Variants in MB21D2 observed in about 807,000 individuals in gnomAD.
MB21D2 encodes nucleotidyltransferase MB21D2.
MB21D2 carries 9 observed loss-of-function variants against 33.3 expected under a neutral mutation model. The observed-to-expected ratio is 0.27, with a 90% CI of 0.16 to 0.47. The LOEUF is 0.47. MB21D2 is among the 20% of genes least tolerant of loss of function. The probability of loss-of-function intolerance (pLI) is 0.99; values close to 1 mark genes in which losing one functional copy is unlikely to be tolerated. For missense variants in MB21D2, 540 were observed against 624.6 expected, an observed-to-expected ratio of 0.86 and a Z score of 1.44; for synonymous variants, 241 against 236.3, an observed-to-expected ratio of 1.02 and a Z score of -0.18.
At chr3:192,906,433 A>C (rs1044881083) in intron 1 of MB21D2, among the ~76,000 whole-genome samples, 1 of 152,086 alleles carries the variant, frequency 6.6e-6, no homozygotes, top group African/African-American at 2.4e-5. Context: ...GACCAAATTA[A>C]ACTTGCTAAA....
intron 1 of MB21D2, among the ~76,000 whole-genome samples, chr3:192,892,730 A>G (rs1713878041): frequency 1.3e-5 from 2 of 152,168 alleles, no homozygotes; most frequent in South Asian, 4.1e-4. Context: ...GACGTGAGCC[A>G]CCGCGCCCGG....
At chr3:192,819,734 T>C (rs1712004511) in intron 1 of MB21D2, among the ~76,000 whole-genome samples, 1 of 152,140 alleles carries the variant, frequency 6.6e-6, no homozygotes, top group Admixed American at 6.5e-5. Flanking sequence ...CCAAGTCCCC[T>C]CTCTAATCAT....
intron 1 of MB21D2, among the ~76,000 whole-genome samples, chr3:192,853,028 G>GTCTCTCTC (rs10541418): frequency 8.4e-4 from 124 of 148,470 alleles, no homozygotes; most frequent in Non-Finnish European, 1.5e-3. Context: ...ATCTCTCTCT[G>GTCTCTCTC]TCTCTCTCTC....
At chr3:192,844,218 A>G (rs574950701) in intron 1 of MB21D2, among the ~76,000 whole-genome samples, 1 of 152,198 alleles carries the variant, frequency 6.6e-6, no homozygotes, top group Non-Finnish European at 1.5e-5. Flanking sequence ...GTGATGATGA[A>G]GCCTGGACAC....
chr3:192,807,334 CA>C (rs34151496), intron 1 of MB21D2, among the ~76,000 whole-genome samples: 8,562 of 129,072 alleles, frequency 0.066, 738 homozygotes, highest in African/African-American at 0.2. Flanking sequence ...CTTGAAAGGC[CA>C]AAAAAAAAAA....
chr3:192,904,654 A>G (rs1714169085), intron 1 of MB21D2, among the ~76,000 whole-genome samples: 2 of 152,238 alleles, frequency 1.3e-5, no homozygotes, highest in South Asian at 4.2e-4. Context: ...GGGCCTGGCC[A>G]TCTGTGTTTC....
chr3:192,874,647 T>C (rs560032293), intron 1 of MB21D2, among the ~76,000 whole-genome samples: 4 of 152,292 alleles, frequency 2.6e-5, no homozygotes, highest in Admixed American at 2.0e-4. Flanking sequence ...TCATATTCGC[T>C]TCCTCCCAGC....
intron 1 of MB21D2, among the ~76,000 whole-genome samples, chr3:192,805,475 T>C (rs1711642553): frequency 6.6e-6 from 1 of 152,252 alleles, no homozygotes; most frequent in East Asian, 1.9e-4. Flanking sequence ...TTTATTTTTT[T>C]AGAAGACTGA....
intron 1 of MB21D2, among the ~76,000 whole-genome samples, chr3:192,844,031 T>C (rs1712627673): frequency 6.6e-6 from 1 of 152,242 alleles, no homozygotes; most frequent in Non-Finnish European, 1.5e-5. Flanking sequence ...CTGCCGATTA[T>C]GAAATGTGCT....
chr3:192,822,733 T>C (rs1173085569), intron 1 of MB21D2, among the ~76,000 whole-genome samples: 2 of 152,204 alleles, frequency 1.3e-5, no homozygotes, highest in East Asian at 1.9e-4. Flanking sequence ...CACAGACCCT[T>C]AGAACATCTA....
chr3:192,837,753 T>A (rs984702868), intron 1 of MB21D2, among the ~76,000 whole-genome samples: 1 of 152,234 alleles, frequency 6.6e-6, no homozygotes, highest in African/African-American at 2.4e-5. Flanking sequence ...AGATTCTGTA[T>A]TTTTAAATGA....
intron 1 of MB21D2, among the ~76,000 whole-genome samples, chr3:192,875,493 A>C (rs1464288721): frequency 6.6e-6 from 1 of 152,186 alleles, no homozygotes; most frequent in African/African-American, 2.4e-5. Context: ...TTTTAGAAAG[A>C]CTGTAGGTGG....
chr3:192,826,896 T>C, intron 1 of MB21D2, among the ~76,000 whole-genome samples: 1 of 142,594 alleles, frequency 7.0e-6, no homozygotes, highest in Non-Finnish European at 1.5e-5. Context: ...CCTTTCCTTC[T>C]TTTTTTTTTT....
chr3:192,910,803 T>G (rs1276263852), intron 1 of MB21D2, among the ~76,000 whole-genome samples: 1 of 152,204 alleles, frequency 6.6e-6, no homozygotes, highest in Non-Finnish European at 1.5e-5. Context: ...CTTTGCATTT[T>G]CTATCATTGG....
At chr3:192,813,545 T>C (rs1313427650) in intron 1 of MB21D2, among the ~76,000 whole-genome samples, 1 of 152,136 alleles carries the variant, frequency 6.6e-6, no homozygotes, top group East Asian at 1.9e-4. Flanking sequence ...TGTATGACGC[T>C]TTGCAGTTTC....
At chr3:192,905,635 CAAAAAAAAAAA>C (rs142676577) in intron 1 of MB21D2, among the ~76,000 whole-genome samples, 31 of 84,950 alleles carry the variant, frequency 3.6e-4, no homozygotes, top group Middle Eastern at 7.5e-3. Context: ...CGCCCTGTCT[CAAAAAAAAAAA>C]AAAAAAAAGA....
chr3:192,811,287 C>T (rs1711783001), intron 1 of MB21D2, among the ~76,000 whole-genome samples: 1 of 152,184 alleles, frequency 6.6e-6, no homozygotes, highest in East Asian at 1.9e-4. Context: ...TTGCTGTATT[C>T]CCTCACTCCT....
rs774610261 is a variant in MB21D2 at position 192,798,554 on chromosome 3, G to A, written c.1308C>T (p.Ser436=). 6.2e-7 allele frequency: 1 copy of A among 1,614,212 alleles called. No homozygotes were observed. The highest frequency in any genetic ancestry group is 1.7e-5 in the Admixed American group (1 of 60,026). The change falls in exon 2 of 2, where the codon AGC becomes AGT. Residue 436 remains serine, a synonymous_variant. Coordinates refer to ENST00000392452, the MANE Select transcript of MB21D2 (RefSeq NM_178496.4). The surrounding 1 kb of genome is among the most constrained non-coding windows in gnomAD (Gnocchi z 4.8). The part of the protein sequence containing the change: ...LELQRRGSTT[S]IPSPQSDGGD... ...CTCCGTCAGACTGTGGAGAGGGGATGCTGGTGGTGCTACCTCGCCTCTGGA... is the reference window on the plus strand; with the variant it reads ...CTCCGTCAGACTGTGGAGAGGGGATACTGGTGGTGCTACCTCGCCTCTGGA...
intron 1 of MB21D2, among the ~76,000 whole-genome samples, chr3:192,885,489 CCACATG>C (rs1713712390): frequency 6.6e-6 from 1 of 152,074 alleles, no homozygotes; most frequent in Non-Finnish European, 1.5e-5. Flanking sequence ...TCAGTTGCCT[CCACATG>C]CACAGCAGGA....
Sources: gnomAD v4.1 joint callset for allele counts (sites outside exome capture counted in the v4.1 genomes callset) on GRCh38, gnomAD v4.1.1 for gene constraint, Gnocchi (gnomAD v3.1) non-coding constraint, MANE v1.5 for transcripts, NCBI Gene and HGNC (gene_info 2026-07-23, HGNC 2026-07-21) for gene names.